TSC22D3: variants seen among roughly 807,000 people sequenced by gnomAD.
TSC22D3 encodes the protein TSC22 domain family member 3.
In TSC22D3, 4 loss-of-function variants were observed where a neutral mutation model predicts 11.1. The ratio of observed to expected loss-of-function variants is 0.36; its 90% CI spans 0.18 to 0.83. TSC22D3 has a LOEUF of 0.83. Ranked by LOEUF, TSC22D3 falls within the 40% of genes least tolerant of loss-of-function variation. TSC22D3 has a pLI of 0.48. For missense variants in TSC22D3, 118 were observed against 159.4 expected, an observed-to-expected ratio of 0.74 and a Z score of 1.40; for synonymous variants, 77 against 70.3, an observed-to-expected ratio of 1.10 and a Z score of -0.48.
intron 1 of TSC22D3, among the ~76,000 whole-genome samples, chrX:107,766,456 C>CG (rs1229326787): frequency 2.1e-5 from 2 of 95,041 alleles, no homozygotes; most frequent in Admixed American, 1.1e-4. Flanking sequence ...GTTTCCGCCC[C>CG]CCCCCCAACA....
chrX:107,725,180 G>A (rs1346844226), intron 1 of TSC22D3, among the ~76,000 whole-genome samples: 2 of 112,459 alleles, frequency 1.8e-5, no homozygotes, highest in Non-Finnish European at 3.8e-5. Flanking sequence ...AAAAGCCCTG[G>A]GAAGGTGCCA....
At chrX:107,758,746 A>G (rs1929289710) in intron 1 of TSC22D3, among the ~76,000 whole-genome samples, 1 of 112,405 alleles carries the variant, frequency 8.9e-6, no homozygotes, top group African/African-American at 3.2e-5. Flanking sequence ...TTGTGCGTTC[A>G]GTGCTGGCAT....
intron 1 of TSC22D3, among the ~76,000 whole-genome samples, chrX:107,739,749 G>T (rs1928309812): frequency 1.8e-5 from 2 of 112,670 alleles, no homozygotes; most frequent in Non-Finnish European, 3.8e-5. Context: ...GTTCAGCTCT[G>T]CCTCAGGCTC....
In TSC22D3 at chrX:107,775,274, C is replaced by T; in HGVS notation, c.146G>A (p.Arg49Gln). 3 of 1,212,008 alleles carry T rather than the reference C, an allele frequency of 2.5e-6. No individual in the cohort carries two copies. Among genetic ancestry groups the T allele is most frequent in the Non-Finnish European group, 3.3e-6 (3 of 895,570 alleles). ...NPGSPTVSNFRQLQEKLVFEN... is the reference protein window; with the variant it reads ...NPGSPTVSNFQQLQEKLVFEN... The stretch of plus-strand genomic sequence containing the variant: ...AAAGACCAGCTTTTCCTGCAGCTGC[C>T]GAAAGTTGCTCACTGTAGGGCTGCC... The change falls in exon 1 of 3, where the codon CGG (arginine) becomes CAG (glutamine). Residue 49 changes from arginine to glutamine, a missense_variant. Coordinates refer to ENST00000372383, the MANE Select transcript of TSC22D3 (RefSeq NM_198057.3).
intron 1 of TSC22D3, among the ~76,000 whole-genome samples, chrX:107,729,570 A>C (rs942503100): frequency 1.2e-4 from 13 of 112,070 alleles, no homozygotes; most frequent in African/African-American, 3.6e-4. Flanking sequence ...GCCCTTGTAA[A>C]ATTCTGGAAA....
intron 1 of TSC22D3, among the ~76,000 whole-genome samples, chrX:107,725,567 G>A (rs191610190): frequency 1.8e-5 from 2 of 111,851 alleles, no homozygotes; most frequent in Non-Finnish European, 3.8e-5. Context: ...TGACACATTC[G>A]GACGAGGCTT....
At chrX:107,748,213 G>A (rs1380132694) in intron 1 of TSC22D3, among the ~76,000 whole-genome samples, 1 of 112,157 alleles carries the variant, frequency 8.9e-6, no homozygotes, top group African/African-American at 3.2e-5. Context: ...CTTCTTCTCC[G>A]TGTGACCTTG....
intron 1 of TSC22D3, among the ~76,000 whole-genome samples, chrX:107,724,805 G>A (rs1602954750): frequency 8.9e-6 from 1 of 112,757 alleles, no homozygotes; most frequent in African/African-American, 3.2e-5. Context: ...ACTGCCAGAA[G>A]CACAGTTTTC....
chrX:107,728,171 AAAG>A lies in TSC22D3; in HGVS notation c.321-12224_321-12222del, dbSNP rs957864915. ...ATACATGCTTAGTAAGAAAAAAAAA[AAAG>A]GTTATGTATGTGTTAGGACTTTGCT... On this transcript the variant is annotated intron_variant, in intron 1 of 2. Transcript: ENST00000372383. Among the ~76,000 whole-genome samples the A allele has an allele frequency of 3.0e-4, 34 of 112,003 alleles. 1 individual carries two copies.
chrX:107,722,271 T>C (rs1295233310), intron 1 of TSC22D3: 1 of 141,667 alleles, frequency 7.1e-6, no homozygotes, highest in African/African-American at 3.1e-5. Flanking sequence ...GCTCTAGCAA[T>C]TGATTTGGGG....
At chrX:107,774,575 T>A (rs1344560504) in intron 1 of TSC22D3, among the ~76,000 whole-genome samples, 1 of 111,507 alleles carries the variant, frequency 9.0e-6, no homozygotes, top group Non-Finnish European at 1.9e-5. Flanking sequence ...CTCTGATTTT[T>A]AAAAATTTTC....
At position 107,720,196 on chromosome X, in the gene TSC22D3, T is replaced by TA. The variant is rs61196603; in HGVS notation, c.321-4247dup. Among the ~76,000 whole-genome samples, 744 of 94,800 alleles carry TA rather than the reference T, an allele frequency of 7.8e-3. 1 individual carries two copies. Among genetic ancestry groups the TA allele is most frequent in the Non-Finnish European group, 9.0e-3 (416 of 46,400 alleles). 82.3% of individuals were successfully genotyped at this position (94,800 alleles called of 115,157 possible). On this transcript the variant is annotated intron_variant, in intron 1 of 2. Transcript: ENST00000372383. ...AACAAGTTCGTATCAAAGATTTAGT[T>TA]AAAAAAAAAAAAAAAGACTTGGAAA...
chrX:107,717,908 T>C (rs1039592448), intron 1 of TSC22D3, among the ~76,000 whole-genome samples: 1 of 112,111 alleles, frequency 8.9e-6, no homozygotes, highest in Non-Finnish European at 1.9e-5. Context: ...TTCAACATTA[T>C]CCAGGATCCC....
chrX:107,735,094 C>G (rs1457163356), intron 1 of TSC22D3, among the ~76,000 whole-genome samples: 2 of 110,854 alleles, frequency 1.8e-5, no homozygotes, highest in Non-Finnish European at 3.8e-5. Context: ...GCACCATCCG[C>G]CACAGTTTGG....
At chrX:107,766,235 G>A (rs1046894806) in intron 1 of TSC22D3, among the ~76,000 whole-genome samples, 13 of 111,941 alleles carry the variant, frequency 1.2e-4, no homozygotes. Flanking sequence ...TGGCAATACT[G>A]ACTTCACTGG....
At chrX:107,753,707 G>A (rs1290359502) in intron 1 of TSC22D3, among the ~76,000 whole-genome samples, 1 of 111,437 alleles carries the variant, frequency 9.0e-6, no homozygotes, top group Non-Finnish European at 1.9e-5. Flanking sequence ...CAGTATGCTT[G>A]AAAATCAACT....
At chrX:107,735,453 C>A (rs977526383) in intron 1 of TSC22D3, among the ~76,000 whole-genome samples, 1 of 111,466 alleles carries the variant, frequency 9.0e-6, no homozygotes, top group Non-Finnish European at 1.9e-5. Context: ...ATCTCACTCT[C>A]CCCAGTGGAA....
intron 1 of TSC22D3, among the ~76,000 whole-genome samples, chrX:107,727,940 T>A (rs1056506044): frequency 2.2e-4 from 25 of 112,247 alleles, no homozygotes; most frequent in African/African-American, 7.5e-4. Context: ...CAATCAGTAA[T>A]CAGTAAGACC....
intron 1 of TSC22D3, among the ~76,000 whole-genome samples, chrX:107,762,062 T>C (rs1276565454): frequency 8.9e-6 from 1 of 112,295 alleles, no homozygotes; most frequent in Non-Finnish European, 1.9e-5. Context: ...CACCACCAAA[T>C]TGTAAGTTTC....
Sources: gnomAD v4.1 joint callset for allele counts (sites outside exome capture counted in the v4.1 genomes callset) on GRCh38, gnomAD v4.1.1 for gene constraint, MANE v1.5 for transcripts, NCBI Gene and HGNC (gene_info 2026-07-23, HGNC 2026-07-21) for gene names.